Variants in CEP128 observed in about 807,000 individuals in gnomAD.
CEP128 encodes centrosomal protein 128kDa.
Under a neutral mutation model 156.7 loss-of-function variants are expected in CEP128, and 132 were observed. The observed-to-expected ratio is 0.84, with a 90% CI of 0.73 to 0.97. CEP128 has a LOEUF of 0.97. CEP128 is among the 50% of genes least tolerant of loss of function. The pLI is 0.00. For missense variants in CEP128, 1,252 were observed against 1,281.9 expected, an observed-to-expected ratio of 0.98 and a Z score of 0.36; for synonymous variants, 469 against 448.9, an observed-to-expected ratio of 1.04 and a Z score of -0.57.
intron 19 of CEP128, among the ~76,000 whole-genome samples, chr14:80,651,823 T>G (rs1406400308): frequency 6.6e-6 from 1 of 152,022 alleles, no homozygotes; most frequent in East Asian, 1.9e-4. Flanking sequence ...GGCTGAGGAG[T>G]GTCTTACTTC....
intron 19 of CEP128, among the ~76,000 whole-genome samples, chr14:80,622,904 T>C (rs1324683560): frequency 6.6e-6 from 1 of 151,410 alleles, no homozygotes; most frequent in East Asian, 1.9e-4. Context: ...AGTGTGGCGA[T>C]TCCTCAGGGA....
At chr14:80,562,655 CTTTTTTTTTTT>C (rs1170778718) in intron 20 of CEP128, among the ~76,000 whole-genome samples, 8 of 114,382 alleles carry the variant, frequency 7.0e-5, no homozygotes, top group African/African-American at 2.2e-4. Context: ...CTTTTCTTTT[CTTTTTTTTTTT>C]TTTTTTTTTT....
chr14:80,653,819 T>A (rs1357245927), intron 19 of CEP128, among the ~76,000 whole-genome samples: 3 of 152,324 alleles, frequency 2.0e-5, no homozygotes, highest in Admixed American at 2.0e-4. Flanking sequence ...AGGATCATTA[T>A]ATCAATTTAG....
intron 19 of CEP128, among the ~76,000 whole-genome samples, chr14:80,728,182 T>C (rs1056557434): frequency 6.6e-6 from 1 of 152,184 alleles, no homozygotes; most frequent in Non-Finnish European, 1.5e-5. Flanking sequence ...TAAGAAGGAA[T>C]GAAATCATGT....
intron 4 of CEP128, among the ~76,000 whole-genome samples, chr14:80,913,847 C>T (rs757624295): frequency 1.3e-5 from 2 of 152,156 alleles, no homozygotes; most frequent in Admixed American, 6.5e-5. Context: ...GACAGGTGCA[C>T]TAAAATCCCA....
intron 20 of CEP128, among the ~76,000 whole-genome samples, chr14:80,562,547 T>A (rs916621375): frequency 1.3e-5 from 2 of 152,170 alleles, no homozygotes; most frequent in Non-Finnish European, 2.9e-5. Flanking sequence ...TGGTTGACAC[T>A]GTTTTTGGTA....
intron 13 of CEP128, chr14:80,830,885 T>TA: frequency 5.5e-6 from 2 of 362,660 alleles, no homozygotes; most frequent in South Asian, 8.5e-5. Context: ...TTTTCAAATT[T>TA]AAAAATAGTA....
At chr14:80,852,378 G>C (rs926874544) in intron 9 of CEP128, among the ~76,000 whole-genome samples, 6 of 151,394 alleles carry the variant, frequency 4.0e-5, no homozygotes, top group African/African-American at 1.5e-4. Flanking sequence ...TACCATAAAA[G>C]TATAACAAAG....
At chr14:80,669,158 C>T (rs1455915747) in intron 19 of CEP128, among the ~76,000 whole-genome samples, 1 of 151,970 alleles carries the variant, frequency 6.6e-6, no homozygotes, top group Admixed American at 6.6e-5. Context: ...TCACCACATA[C>T]AAAAATTAAC....
rs1363917131 is a variant in CEP128 at position 80,906,077 on chromosome 14, T to C, written c.239A>G (p.Lys80Arg). ...GTCGATTGATTGTTCCAAGCTTTCT[T>C]TTAACTAATTTAAAGAATATAATGA... is the stretch of plus-strand genomic sequence containing the variant. ...NGQAGAIEHL[K>R]ESLEQSIDQL... Residue 80 changes from lysine to arginine, a missense_variant, in exon 5 of 25, where the codon AAA becomes AGA. Lys to Arg is a conservative substitution (Grantham distance 26, BLOSUM62 2). Coordinates refer to ENST00000555265, the MANE Select transcript of CEP128 (RefSeq NM_152446.5). The C allele has an allele frequency of 6.3e-7, 1 of 1,590,758 alleles. No homozygotes were observed. The highest frequency in any genetic ancestry group is 1.9e-5 in the Admixed American group (1 of 52,938).
At chr14:80,602,121 G>C (rs189553420) in intron 19 of CEP128, among the ~76,000 whole-genome samples, 1 of 151,996 alleles carries the variant, frequency 6.6e-6, no homozygotes, top group Admixed American at 6.6e-5. Flanking sequence ...ATAATAAAAG[G>C]GTCAATCAAT....
intron 19 of CEP128, among the ~76,000 whole-genome samples, chr14:80,692,696 A>G (rs1043298416): frequency 6.6e-6 from 1 of 150,476 alleles, no homozygotes; most frequent in Non-Finnish European, 1.5e-5. Context: ...TTAGGTTTCT[A>G]ATTATAAAAA....
At chr14:80,812,731 A>G (rs1273227104) in intron 13 of CEP128, among the ~76,000 whole-genome samples, 1 of 151,982 alleles carries the variant, frequency 6.6e-6, no homozygotes, top group Non-Finnish European at 1.5e-5. Context: ...CACCTGGCTA[A>G]TTTTTGTATT....
At chr14:80,722,489 G>A (rs1314495382) in intron 19 of CEP128, among the ~76,000 whole-genome samples, 1 of 151,564 alleles carries the variant, frequency 6.6e-6, no homozygotes, top group Non-Finnish European at 1.5e-5. Flanking sequence ...TGTGATATAT[G>A]TATACATATT....
At chr14:80,632,575 TATATA>T (rs931795429) in intron 19 of CEP128, among the ~76,000 whole-genome samples, 37 of 149,820 alleles carry the variant, frequency 2.5e-4, no homozygotes, top group Non-Finnish European at 3.8e-4. Context: ...ATCTATTATC[TATATA>T]ATATAACATG....
intron 19 of CEP128, among the ~76,000 whole-genome samples, chr14:80,717,724 A>G (rs1897660135): frequency 6.6e-6 from 1 of 152,244 alleles, no homozygotes; most frequent in Non-Finnish European, 1.5e-5. Context: ...CACTTTCAGA[A>G]TCAGAATATT....
chr14:80,652,703 G>A (rs1000248013), intron 19 of CEP128, among the ~76,000 whole-genome samples: 20 of 152,172 alleles, frequency 1.3e-4, no homozygotes, highest in Non-Finnish European at 2.8e-4. Flanking sequence ...ATGCTGGAGA[G>A]GATGTGGAGA....
chr14:80,686,852 AT>A (rs1401882210), intron 19 of CEP128, among the ~76,000 whole-genome samples: 36 of 152,196 alleles, frequency 2.4e-4, no homozygotes, highest in African/African-American at 8.4e-4. Context: ...GAAGGATATT[AT>A]ATAATGGTAA....
chr14:80,812,874 G>C (rs1438023124), intron 13 of CEP128, among the ~76,000 whole-genome samples: 4 of 150,878 alleles, frequency 2.7e-5, no homozygotes, highest in African/African-American at 9.8e-5. Context: ...GTTTTTGTCT[G>C]TTTGTTTGTT....
Sources: gnomAD v4.1 joint callset for allele counts (sites outside exome capture counted in the v4.1 genomes callset) on GRCh38, gnomAD v4.1.1 for gene constraint, MANE v1.5 for transcripts, NCBI Gene and HGNC (gene_info 2026-07-23, HGNC 2026-07-21) for gene names.